Variants in MEGF11 observed in about 807,000 individuals in gnomAD.
MEGF11 encodes multiple epidermal growth factor-like domains protein 11.
MEGF11 carries 126 observed loss-of-function variants against 146.6 expected under a neutral mutation model. The observed-to-expected ratio is 0.86, with a 90% CI of 0.74 to 1.00. The LOEUF (loss-of-function observed/expected upper bound fraction) is 1.00. Ranked by LOEUF, MEGF11 falls within the 50% of genes least tolerant of loss-of-function variation. The probability of loss-of-function intolerance (pLI) is 0.00; values close to 1 mark genes in which losing one functional copy is unlikely to be tolerated. For synonymous variants in MEGF11, 532 were observed against 583.4 expected (o/e 0.91, Z 1.27); for missense variants, 1,509 against 1,521.2 (o/e 0.99, Z 0.13).
chr15:66,104,792 G>A (rs141866696), intron 4 of MEGF11, among the ~76,000 whole-genome samples: 68 of 152,294 alleles, frequency 4.5e-4, no homozygotes, highest in African/African-American at 1.4e-3. Context: ...AGGTCAGGGC[G>A]CACATCTAAC....
intron 5 of MEGF11, among the ~76,000 whole-genome samples, chr15:65,993,424 A>G (rs1166142575): frequency 2.0e-5 from 3 of 152,200 alleles, no homozygotes; most frequent in Non-Finnish European, 4.4e-5. Flanking sequence ...ATCTGTTTGC[A>G]TCACTGCCTT....
At position 66,111,706 on chromosome 15, in the gene MEGF11, AG is replaced by A. The variant is rs148117093; in HGVS notation, c.301+7379del. ...GAGATAAACAAGGTATTCTGGATGGAGAAAAAAAGTCTCCCACAAGAAACAA... is the reference window on the plus strand; with the variant it reads ...GAGATAAACAAGGTATTCTGGATGGAAAAAAAAGTCTCCCACAAGAAACAA... On this transcript the variant is annotated intron_variant, in intron 4 of 25. Coordinates refer to ENST00000395614, the MANE Select transcript of MEGF11 (RefSeq NM_001385028.1). Among the ~76,000 whole-genome samples, 166 of 152,318 alleles carry A rather than the reference AG, an allele frequency of 1.1e-3. 1 individual carries two copies. The highest frequency in any genetic ancestry group is 3.9e-3 in the African/African-American group (162 of 41,578).
intron 9 of MEGF11, among the ~76,000 whole-genome samples, 154 bp from the exon 10 acceptor site, chr15:65,957,875 A>G (rs2080715592): frequency 6.6e-6 from 1 of 152,192 alleles, no homozygotes; most frequent in South Asian, 2.1e-4. Context: ...TTATCAGAAG[A>G]TGCCAAGGCC....
Position 66,020,197 on chromosome 15 carries a change from G to A in MEGF11, c.395-37709C>T, listed in dbSNP as rs144482590. ...GCGATTGGTTCTGGAATGTGCATGT[G>A]ACCCAATCTGGCCAATGGGATTCAA... On this transcript the variant is annotated intron_variant, in intron 5 of 25. Transcript: ENST00000395614. 6.2e-4 allele frequency among the ~76,000 whole-genome samples: 94 copies of A among 152,340 alleles called. 1 individual carries two copies. The highest frequency in any genetic ancestry group is 2.1e-3 in the African/African-American group (88 of 41,582).
At position 66,033,078 on chromosome 15, in the gene MEGF11, C is replaced by CAAAAAAAAA. The variant is rs60932678; in HGVS notation, c.395-50599_395-50591dup. 3.1e-3 allele frequency among the ~76,000 whole-genome samples: 247 copies of CAAAAAAAAA among 80,596 alleles called. 11 individuals carry two copies. The highest frequency in any genetic ancestry group is 7.0e-3 in the African/African-American group (131 of 18,670). The allele number at this position is 80,596 out of a possible 152,430, so 52.9% of individuals were successfully genotyped here. A position where few individuals can be genotyped will look rare whatever the true frequency, so the allele number is the denominator to read the frequency against. ...CCTGGGTGACAGAGTGAGACTCCATCAAAAAAAAAAAAAAAAAAAAAAAAA... is the reference window on the plus strand; with the variant it reads ...CCTGGGTGACAGAGTGAGACTCCATCAAAAAAAAAAAAAAAAAAAAAAAAAAAAAAAAAA... On this transcript the variant is annotated intron_variant, in intron 5 of 25. Coordinates refer to ENST00000395614, the MANE Select transcript of MEGF11 (RefSeq NM_001385028.1).
chr15:65,936,343 G>A (rs1333161085), intron 10 of MEGF11, among the ~76,000 whole-genome samples: 1 of 152,216 alleles, frequency 6.6e-6, no homozygotes, highest in Non-Finnish European at 1.5e-5. Context: ...GGATCTGATT[G>A]CATTCATGTC....
intron 5 of MEGF11, among the ~76,000 whole-genome samples, chr15:66,082,503 ATCT>A (rs1567232403): frequency 4.4e-5 from 6 of 136,722 alleles, no homozygotes; most frequent in East Asian, 2.1e-4. Flanking sequence ...CTATCTATCT[ATCT>A]ATCTATCTAT....
chr15:66,179,111 C>T (rs116657930), intron 1 of MEGF11, among the ~76,000 whole-genome samples: 2 of 152,206 alleles, frequency 1.3e-5, no homozygotes, highest in African/African-American at 4.8e-5. Flanking sequence ...AGCCCCAGCT[C>T]TAGGAGGTTG....
chr15:66,030,216 G>T (rs2083468096), intron 5 of MEGF11, among the ~76,000 whole-genome samples: 1 of 152,142 alleles, frequency 6.6e-6, no homozygotes, highest in Non-Finnish European at 1.5e-5. Flanking sequence ...ATGCAAAATG[G>T]CAGGTATTCA....
intron 4 of MEGF11, among the ~76,000 whole-genome samples, chr15:66,115,473 T>C (rs2087679701): frequency 6.6e-6 from 1 of 152,186 alleles, no homozygotes; most frequent in African/African-American, 2.4e-5. Flanking sequence ...TTTCCTCCCA[T>C]CACAATAAAC....
chr15:66,160,242 C>CCTCTCTCT (rs143653192), intron 1 of MEGF11, among the ~76,000 whole-genome samples: 2,523 of 133,390 alleles, frequency 0.019, 81 homozygotes, highest in East Asian at 0.068. Context: ...AAGGAAAAGC[C>CCTCTCTCT]CTCTCTCTCT....
chr15:66,117,195 A>G (rs2087771817), intron 4 of MEGF11, among the ~76,000 whole-genome samples: 1 of 152,190 alleles, frequency 6.6e-6, no homozygotes. Context: ...TGGCAGAGCA[A>G]GGATCAAACC....
intron 4 of MEGF11, among the ~76,000 whole-genome samples, chr15:66,113,079 C>T (rs1245439584): frequency 6.6e-6 from 1 of 152,156 alleles, no homozygotes; most frequent in Admixed American, 6.5e-5. Context: ...GTCGAATTTA[C>T]TGAATTAAAT....
chr15:66,244,281 C>A (rs2092262462), intron 1 of MEGF11, among the ~76,000 whole-genome samples: 1 of 152,166 alleles, frequency 6.6e-6, no homozygotes, highest in South Asian at 2.1e-4. Context: ...TTCTGAAGAC[C>A]TGAGGCCCAT....
rs541355100 is a variant in MEGF11 at position 66,117,944 on chromosome 15, T to C, written c.301+1142A>G. Among the ~76,000 whole-genome samples the C allele has an allele frequency of 2.6e-4, 39 of 152,286 alleles. No homozygotes were observed. In the South Asian group the frequency reaches 5.6e-3, roughly 22 times the overall value. On this transcript the variant is annotated intron_variant, in intron 4 of 25. Coordinates refer to ENST00000395614, the MANE Select transcript of MEGF11 (RefSeq NM_001385028.1). ...CAATTAGAATTGAGTTTCTCCAGCATTGGGGGAGATGTAACAACAGTAGGA... is the reference window on the plus strand; with the variant it reads ...CAATTAGAATTGAGTTTCTCCAGCACTGGGGGAGATGTAACAACAGTAGGA...
intron 5 of MEGF11, among the ~76,000 whole-genome samples, chr15:66,087,697 A>G (rs1327011842): frequency 1.3e-5 from 2 of 152,234 alleles, no homozygotes; most frequent in African/African-American, 4.8e-5. Context: ...TCATAGCCCT[A>G]AACGCCTTCA....
intron 9 of MEGF11, among the ~76,000 whole-genome samples, chr15:65,961,806 G>A (rs963503452): frequency 6.6e-6 from 1 of 152,196 alleles, no homozygotes; most frequent in Non-Finnish European, 1.5e-5. Context: ...CACTGTTGTG[G>A]TGGGGGCTTT....
intron 2 of MEGF11, among the ~76,000 whole-genome samples, chr15:66,126,614 C>T (rs1234268179): frequency 6.6e-6 from 1 of 152,166 alleles, no homozygotes; most frequent in Non-Finnish European, 1.5e-5. Context: ...CTGGATAGAG[C>T]CACTAGGGCA....
intron 15 of MEGF11, among the ~76,000 whole-genome samples, chr15:65,919,394 T>C (rs2079103369): frequency 1.3e-5 from 2 of 152,256 alleles, no homozygotes; most frequent in South Asian, 4.1e-4. Context: ...CAAGTGAATA[T>C]TGCAATAAAG....
Sources: gnomAD v4.1 joint callset for allele counts (sites outside exome capture counted in the v4.1 genomes callset) on GRCh38, gnomAD v4.1.1 for gene constraint, MANE v1.5 for transcripts, NCBI Gene and HGNC (gene_info 2026-07-23, HGNC 2026-07-21) for gene names.